AUH: variants seen among roughly 807,000 people sequenced by gnomAD.
AUH encodes the protein methylglutaconyl-CoA hydratase, mitochondrial.
AUH carries 29 observed loss-of-function variants against 42.3 expected under a neutral mutation model. The ratio of observed to expected loss-of-function variants is 0.69; its 90% CI spans 0.51 to 0.93. AUH has a LOEUF of 0.93. Ranked by LOEUF, AUH falls within the 40% of genes least tolerant of loss-of-function variation. The probability of loss-of-function intolerance (pLI) is 0.00; values close to 1 mark genes in which losing one functional copy is unlikely to be tolerated. For missense variants in AUH, 452 were observed against 438.1 expected (o/e 1.03, Z -0.28); for synonymous variants, 174 against 166.4 (o/e 1.05, Z -0.35).
intron 6 of AUH, among the ~76,000 whole-genome samples, chr9:91,240,134 T>C (rs1233299038): frequency 6.6e-6 from 1 of 152,246 alleles, no homozygotes; most frequent in Admixed American, 6.5e-5. Context: ...TATTTGCTGA[T>C]ACATTGTGAT....
intron 6 of AUH, among the ~76,000 whole-genome samples, chr9:91,285,870 G>A (rs1435706156): frequency 6.6e-6 from 1 of 152,118 alleles, no homozygotes; most frequent in Non-Finnish European, 1.5e-5. Context: ...ACTTCAGAAG[G>A]CTGAATCAGT....
At chr9:91,264,142 T>C (rs1466040136) in intron 6 of AUH, among the ~76,000 whole-genome samples, 1 of 152,166 alleles carries the variant, frequency 6.6e-6, no homozygotes, top group Non-Finnish European at 1.5e-5. Context: ...GTGTTATATG[T>C]GTGTGTGTAT....
chr9:91,297,952 T>G, intron 5 of AUH, 32 bp downstream of exon 5: 1 of 1,509,082 alleles, frequency 6.6e-7, no homozygotes, highest in Non-Finnish European at 9.2e-7. Flanking sequence ...TTCACTTTTT[T>G]AAATTATGTT....
intron 6 of AUH, among the ~76,000 whole-genome samples, chr9:91,259,389 C>T (rs1021709387): frequency 1.3e-5 from 2 of 151,144 alleles, no homozygotes; most frequent in African/African-American, 2.4e-5. Flanking sequence ...CCTCTGACCT[C>T]ACCTCTGACC....
chr9:91,323,101 A>C (rs1055720856), intron 4 of AUH, among the ~76,000 whole-genome samples: 1 of 152,220 alleles, frequency 6.6e-6, no homozygotes, highest in African/African-American at 2.4e-5. Flanking sequence ...AGTCAAAGAA[A>C]GATAAGGATG....
At chr9:91,310,658 C>T (rs1828632849) in intron 4 of AUH, among the ~76,000 whole-genome samples, 1 of 152,182 alleles carries the variant, frequency 6.6e-6, no homozygotes, top group African/African-American at 2.4e-5. Flanking sequence ...CATCCTATGG[C>T]ATTATCTTTG....
chr9:91,270,059 T>C (rs75534996), intron 6 of AUH, among the ~76,000 whole-genome samples: 10,903 of 152,250 alleles, frequency 0.072, 677 homozygotes, highest in East Asian at 0.26. Flanking sequence ...TAAAATTCCA[T>C]TTTAGATTTT....
At chr9:91,233,012 C>T (rs912008238) in intron 6 of AUH, among the ~76,000 whole-genome samples, 1 of 152,154 alleles carries the variant, frequency 6.6e-6, no homozygotes, top group Non-Finnish European at 1.5e-5. Flanking sequence ...CAGATGACAA[C>T]CCATTTTTTC....
In AUH at chr9:91,355,551, C is replaced by CA. The variant is rs879726755; in HGVS notation, c.418+331dup. Among the ~76,000 whole-genome samples the CA allele has an allele frequency of 6.7e-3, 884 of 132,912 alleles. 6 individuals are homozygous for CA. Among genetic ancestry groups the CA allele is most frequent in the African/African-American group, 0.019 (668 of 36,082 alleles). The allele number at this position is 132,912 out of a possible 152,430, so 87.2% of individuals were successfully genotyped here. ...TGGGTGACAGAGCAAGACTCTATCT[C>CA]AAAAAAAAAAAAAGAATGAAACTAA... On this transcript the variant is annotated intron_variant, in intron 3 of 9. Transcript: ENST00000375731.
At chr9:91,346,422 T>G (rs1323381392) in intron 3 of AUH, among the ~76,000 whole-genome samples, 1 of 152,192 alleles carries the variant, frequency 6.6e-6, no homozygotes, top group Admixed American at 6.5e-5. Flanking sequence ...GGAGAGGGTA[T>G]GGAAGCTCTG....
intron 3 of AUH, among the ~76,000 whole-genome samples, chr9:91,341,535 C>A (rs192171514): frequency 6.6e-6 from 1 of 152,332 alleles, no homozygotes; most frequent in East Asian, 1.9e-4. Context: ...ATCTCAAGAA[C>A]AAATCACTCT....
chr9:91,324,102 A>G (rs912070350), intron 4 of AUH, among the ~76,000 whole-genome samples: 3 of 152,232 alleles, frequency 2.0e-5, no homozygotes, highest in Non-Finnish European at 4.4e-5. Context: ...AGAGGACAAT[A>G]TCTATAACAC....
intron 3 of AUH, among the ~76,000 whole-genome samples, chr9:91,340,756 A>G (rs1831042443): frequency 6.6e-6 from 1 of 152,218 alleles, no homozygotes; most frequent in South Asian, 2.1e-4. Flanking sequence ...TGCAAAGCCC[A>G]GTGTAACTGA....
intron 6 of AUH, among the ~76,000 whole-genome samples, chr9:91,269,408 T>C (rs76598447): frequency 0.084 from 12,831 of 152,314 alleles, 625 homozygotes; most frequent in East Asian, 0.18. Context: ...AGACAGACAG[T>C]AGTCTAATAC....
chr9:91,299,199 A>G (rs1432911178), intron 4 of AUH, among the ~76,000 whole-genome samples: 1 of 152,228 alleles, frequency 6.6e-6, no homozygotes, highest in East Asian at 1.9e-4. Flanking sequence ...AGCCTGGGTG[A>G]CAGAGTGAGA....
chr9:91,240,215 CTTTTA>C (rs1828429171), intron 6 of AUH, among the ~76,000 whole-genome samples: 1 of 152,160 alleles, frequency 6.6e-6, no homozygotes, highest in Non-Finnish European at 1.5e-5. Context: ...CTTTCAAAAT[CTTTTA>C]TTTAAAGACT....
chr9:91,294,254 A>C (rs1827135627), intron 6 of AUH, among the ~76,000 whole-genome samples: 2 of 152,228 alleles, frequency 1.3e-5, no homozygotes, highest in East Asian at 3.9e-4. Context: ...TTATTATTTA[A>C]GACACACATT....
At chr9:91,361,379 C>T (rs979604208) in intron 1 of AUH, among the ~76,000 whole-genome samples, 1 of 152,186 alleles carries the variant, frequency 6.6e-6, no homozygotes, top group Non-Finnish European at 1.5e-5. Context: ...CTGTTTGCCG[C>T]GCTGAATGCG....
At chr9:91,346,808 G>A (rs1159974642) in intron 3 of AUH, among the ~76,000 whole-genome samples, 2 of 151,506 alleles carry the variant, frequency 1.3e-5, no homozygotes, top group Non-Finnish European at 2.9e-5. Context: ...ATAGATTTGG[G>A]GATTCCCCTA....
Sources: allele counts gnomAD v4.1 joint callset (sites outside exome capture counted in the v4.1 genomes callset), GRCh38; gene constraint gnomAD v4.1.1; transcripts MANE v1.5; gene names NCBI Gene and HGNC (gene_info 2026-07-23, HGNC 2026-07-21).